Variants in STARD13 observed in about 807,000 individuals in gnomAD.
The protein encoded by STARD13 is stAR-related lipid transfer protein 13.
STARD13 carries 62 observed loss-of-function variants against 106.4 expected under a neutral mutation model. The ratio of observed to expected loss-of-function variants is 0.58; its 90% CI spans 0.48 to 0.72. The LOEUF (loss-of-function observed/expected upper bound fraction) is 0.72, where lower values mean the gene tolerates loss of function less well. Among genes scored for constraint, STARD13 ranks in the 30% least tolerant of loss-of-function variants. The probability of loss-of-function intolerance (pLI) is 0.00; values close to 1 mark genes in which losing one functional copy is unlikely to be tolerated. For missense variants in STARD13, 1,387 were observed against 1,424.0 expected, an observed-to-expected ratio of 0.97 and a Z score of 0.42; for synonymous variants, 565 against 553.0, an observed-to-expected ratio of 1.02 and a Z score of -0.31.
At chr13:33,341,980 G>T (rs952635667) in intron 1 of STARD13, among the ~76,000 whole-genome samples, 2 of 151,996 alleles carry the variant, frequency 1.3e-5, no homozygotes, top group Non-Finnish European at 2.9e-5. Context: ...TAGTAGATAC[G>T]AGGTTTCACC....
chr13:33,541,982 T>C, the STARD13 span, among the ~76,000 whole-genome samples: 1 of 152,190 alleles, frequency 6.6e-6, no homozygotes, highest in Non-Finnish European at 1.5e-5. Context: ...GGCTTTCCTT[T>C]AAAATTTGAT....
intron 3 of STARD13, among the ~76,000 whole-genome samples, chr13:33,153,440 A>C (rs530716154): frequency 6.6e-6 from 1 of 152,188 alleles, no homozygotes; most frequent in Non-Finnish European, 1.5e-5. Flanking sequence ...CGGAGGGACC[A>C]GGAAGAAGGA....
chr13:33,376,563 T>C, the STARD13 span, among the ~76,000 whole-genome samples: 1 of 151,794 alleles, frequency 6.6e-6, no homozygotes, highest in Admixed American at 6.6e-5. Context: ...TGAGCTGTGA[T>C]TGAACCTGTG....
intron 1 of STARD13, among the ~76,000 whole-genome samples, chr13:33,294,214 A>T (rs1483451520): frequency 6.6e-6 from 1 of 152,218 alleles, no homozygotes; most frequent in Non-Finnish European, 1.5e-5. Flanking sequence ...CTTTAACTAA[A>T]CAGTACAGCG....
At chr13:33,512,993 C>A in the STARD13 span, among the ~76,000 whole-genome samples, 1 of 152,084 alleles carries the variant, frequency 6.6e-6, no homozygotes, top group South Asian at 2.1e-4. Context: ...TTATGGCAAC[C>A]CTAGTAAAAT....
chr13:33,511,430 AC>A, the STARD13 span: 1 of 152,180 alleles, frequency 6.6e-6, no homozygotes, highest in South Asian at 2.1e-4. Flanking sequence ...CAAAAAAATC[AC>A]TGTAAACTGA....
the STARD13 span, among the ~76,000 whole-genome samples, chr13:33,629,980 G>A: frequency 6.6e-6 from 1 of 152,184 alleles, no homozygotes; most frequent in East Asian, 1.9e-4. Context: ...CACGTCAAAG[G>A]CAAATGAAAG....
At chr13:33,165,619 G>A (rs1383596428) in intron 2 of STARD13, among the ~76,000 whole-genome samples, 3 of 152,174 alleles carry the variant, frequency 2.0e-5, no homozygotes, top group Non-Finnish European at 4.4e-5. Flanking sequence ...CGAAATATGA[G>A]GATAGTCAAG....
chr13:33,152,121 T>C (rs145313414), intron 3 of STARD13, among the ~76,000 whole-genome samples: 2 of 152,254 alleles, frequency 1.3e-5, no homozygotes, highest in East Asian at 3.9e-4. Context: ...ACACAGAAGA[T>C]ACATAATAAT....
intron 1 of STARD13, among the ~76,000 whole-genome samples, chr13:33,218,824 A>G (rs1222724494): frequency 2.0e-5 from 3 of 152,238 alleles, no homozygotes; most frequent in Admixed American, 2.0e-4. Context: ...AGATTTTGAT[A>G]TTAAAAAGAC....
the STARD13 span, among the ~76,000 whole-genome samples, chr13:33,548,635 A>AG: frequency 1.3e-5 from 2 of 152,324 alleles, no homozygotes; most frequent in South Asian, 4.1e-4. Context: ...TTTTAAAAAA[A>AG]TATTTCCAGG....
At chr13:33,415,362 C>A in the STARD13 span, among the ~76,000 whole-genome samples, 1 of 151,904 alleles carries the variant, frequency 6.6e-6, no homozygotes, top group African/African-American at 2.4e-5. Context: ...AGTGAGACTC[C>A]GTCTCAAAAA....
chr13:33,108,190 T>C (rs1874032466), intron 12 of STARD13, among the ~76,000 whole-genome samples: 1 of 152,218 alleles, frequency 6.6e-6, no homozygotes. Flanking sequence ...GCAGCAATCC[T>C]GAAAGGTGAC....
At chr13:33,159,475 C>T (rs1206928004) in intron 3 of STARD13, among the ~76,000 whole-genome samples, 2 of 152,166 alleles carry the variant, frequency 1.3e-5, no homozygotes, top group Admixed American at 6.5e-5. Flanking sequence ...CCCGCTAAGC[C>T]ACCTATATCA....
chr13:33,196,840 A>G (rs1886657979), intron 1 of STARD13, among the ~76,000 whole-genome samples: 1 of 152,218 alleles, frequency 6.6e-6, no homozygotes, highest in African/African-American at 2.4e-5. Context: ...TAATGAACAC[A>G]GATTTAGACC....
chr13:33,496,376 C>T, the STARD13 span, among the ~76,000 whole-genome samples: 1 of 151,268 alleles, frequency 6.6e-6, no homozygotes, highest in South Asian at 2.1e-4. Context: ...GCAGCTAACA[C>T]TGCCTCATTA....
At chr13:33,528,252 A>G in the STARD13 span, among the ~76,000 whole-genome samples, 3 of 128,994 alleles carry the variant, frequency 2.3e-5, no homozygotes, top group Non-Finnish European at 4.6e-5. Flanking sequence ...ACATATATAT[A>G]TATACATATA....
At chr13:33,618,693 T>C in the STARD13 span, among the ~76,000 whole-genome samples, 1 of 152,044 alleles carries the variant, frequency 6.6e-6, no homozygotes, top group Non-Finnish European at 1.5e-5. Flanking sequence ...TTTCCATCAT[T>C]GAACAGCAGG....
At chr13:33,108,446 C>T (rs535836564) in intron 12 of STARD13, among the ~76,000 whole-genome samples, 30 of 150,852 alleles carry the variant, frequency 2.0e-4, no homozygotes, top group African/African-American at 6.2e-4. Flanking sequence ...AGCAAGACCC[C>T]GCCCTGACCA....
Sources: allele counts gnomAD v4.1 joint callset (sites outside exome capture counted in the v4.1 genomes callset), GRCh38; gene constraint gnomAD v4.1.1; transcripts MANE v1.5; gene names NCBI Gene and HGNC (gene_info 2026-07-23, HGNC 2026-07-21).